Variants in TNRC6A observed in about 807,000 individuals in gnomAD.
TNRC6A encodes the protein trinucleotide repeat containing adaptor 6A.
In TNRC6A, 44 loss-of-function variants were observed where a neutral mutation model predicts 221.2. That is an observed-to-expected ratio of 0.20 (90% CI 0.16 to 0.26). The LOEUF (loss-of-function observed/expected upper bound fraction) is 0.26, where lower values mean the gene tolerates loss of function less well. Ranked by LOEUF, TNRC6A falls within the 10% of genes least tolerant of loss-of-function variation. The probability of loss-of-function intolerance (pLI) is 1.00; values close to 1 mark genes in which losing one functional copy is unlikely to be tolerated. For synonymous variants in TNRC6A, 847 were observed against 838.5 expected (o/e 1.01, Z -0.18); for missense variants, 2,199 against 2,404.4 (o/e 0.91, Z 1.79).
intron 8 of TNRC6A, 75 bp downstream of exon 8, chr16:24,794,794 G>A (rs751423131): frequency 1.6e-5 from 23 of 1,458,088 alleles, no homozygotes; most frequent in East Asian, 4.8e-5. Flanking sequence ...TTAACTTTTC[G>A]CCTGCCCATT....
At chr16:24,714,033 G>T (rs1204492130) in intron 2 of TNRC6A, among the ~76,000 whole-genome samples, 1 of 152,048 alleles carries the variant, frequency 6.6e-6, no homozygotes, top group Non-Finnish European at 1.5e-5. Flanking sequence ...GTCTGTTTGG[G>T]GCTTGCTGAC....
chr16:24,778,144 G>GA (rs1293960320), intron 5 of TNRC6A, among the ~76,000 whole-genome samples: 4 of 152,318 alleles, frequency 2.6e-5, no homozygotes, highest in Non-Finnish European at 5.9e-5. Flanking sequence ...GAAGTCTCTA[G>GA]AATCAGATAG....
intron 2 of TNRC6A, among the ~76,000 whole-genome samples, chr16:24,750,101 C>A (rs1224784441): frequency 6.6e-6 from 1 of 152,168 alleles, no homozygotes; most frequent in Non-Finnish European, 1.5e-5. Context: ...GATCATGCCA[C>A]TGCATTCCAG....
chr16:24,730,133 C>T, intron 1 of TNRC6A, 120 bp from the exon 2 acceptor site: 1 of 921,428 alleles, frequency 1.1e-6, no homozygotes, highest in Non-Finnish European at 1.5e-6. Flanking sequence ...TCCCCCCGTC[C>T]TCTCCCCTCC....
chr16:24,821,367 C>T (rs574375000), intron 22 of TNRC6A, among the ~76,000 whole-genome samples: 12 of 152,302 alleles, frequency 7.9e-5, no homozygotes, highest in African/African-American at 2.2e-4. Context: ...GTAAGCCAAG[C>T]GAACCGAGGG....
chr16:24,822,029 G>T, intron 22 of TNRC6A, 48 bp from the exon 23 acceptor site: 2 of 1,576,376 alleles, frequency 1.3e-6, no homozygotes, highest in Non-Finnish European at 1.7e-6. Context: ...CTGTAGTTGG[G>T]CTCTTTCAGT....
intron 4 of TNRC6A, among the ~76,000 whole-genome samples, chr16:24,765,441 TCTG>T (rs2057452825): frequency 6.6e-6 from 1 of 152,208 alleles, no homozygotes; most frequent in African/African-American, 2.4e-5. Context: ...GTTGGGTAGT[TCTG>T]CTGTTACAGT....
Position 24,806,654 on chromosome 16 carries a change from TCCA to T in TNRC6A, c.4414_4416del (p.Pro1472del). ...CAAACCTGTTGGTGAAGCAGCAGAC[TCCA>T]CCATCTCAGCAGCAGCCACTCCATC... On this transcript the variant is annotated inframe_deletion, in exon 17 of 25. Transcript: ENST00000395799. 1.2e-6 allele frequency: 2 copies of T among 1,614,172 alleles called. No homozygotes were observed. Among genetic ancestry groups the T allele is most frequent in the East Asian group, 2.2e-5 (1 of 44,888 alleles).
chr16:24,648,915 A>G (rs1902463324), intron 2 of TNRC6A, among the ~76,000 whole-genome samples: 1 of 152,172 alleles, frequency 6.6e-6, no homozygotes, highest in Non-Finnish European at 1.5e-5. Context: ...TACCACAGCA[A>G]GTTGCAACTG....
chr16:24,660,414 C>T (rs540301967), intron 2 of TNRC6A, among the ~76,000 whole-genome samples: 2 of 152,112 alleles, frequency 1.3e-5, no homozygotes, highest in East Asian at 1.9e-4. Flanking sequence ...TTAGTTCATT[C>T]CTTTTTATGG....
At chr16:24,617,770 C>T (rs1218700398) in intron 1 of TNRC6A, among the ~76,000 whole-genome samples, 3 of 152,188 alleles carry the variant, frequency 2.0e-5, no homozygotes, top group Non-Finnish European at 2.9e-5. Context: ...TCTTCAGCTA[C>T]GCCTGCTGAG....
intron 2 of TNRC6A, among the ~76,000 whole-genome samples, chr16:24,656,141 CAAAA>C (rs551183501): frequency 8.9e-6 from 1 of 112,650 alleles, no homozygotes; most frequent in African/African-American, 3.4e-5. Context: ...GACCTTGTCT[CAAAA>C]AAAAAAAAAA....
At chr16:24,675,724 A>C (rs1342538560) in intron 2 of TNRC6A, among the ~76,000 whole-genome samples, 52 of 134,310 alleles carry the variant, frequency 3.9e-4, no homozygotes, top group African/African-American at 8.4e-4. Flanking sequence ...ATATATATAT[A>C]TATATATATA....
chr16:24,798,041 G>T, intron 11 of TNRC6A, 75 bp downstream of exon 11: 4 of 1,347,668 alleles, frequency 3.0e-6, no homozygotes, highest in Non-Finnish European at 4.2e-6. Context: ...TACTGAAAGA[G>T]CCCTGACGTA....
At chr16:24,810,760 A>C (rs1461731261) in intron 18 of TNRC6A, among the ~76,000 whole-genome samples, 2 of 152,226 alleles carry the variant, frequency 1.3e-5, no homozygotes, top group East Asian at 3.8e-4. Flanking sequence ...TGTGCCAAGA[A>C]TGATTTTAAA....
intron 2 of TNRC6A, among the ~76,000 whole-genome samples, chr16:24,690,925 A>T (rs895327573): frequency 3.3e-5 from 5 of 150,742 alleles, no homozygotes; most frequent in African/African-American, 1.2e-4. Flanking sequence ...CTCCTGCCTC[A>T]GCCTCCCAAG....
At chr16:24,766,497 TAAAGTAG>T (rs1265204290) in intron 4 of TNRC6A, among the ~76,000 whole-genome samples, 1 of 152,108 alleles carries the variant, frequency 6.6e-6, no homozygotes, top group East Asian at 1.9e-4. Flanking sequence ...TGCTTCCCAT[TAAAGTAG>T]AACCCAGCCC....
At chr16:24,620,676 C>T (rs1306099445) in intron 1 of TNRC6A, among the ~76,000 whole-genome samples, 2 of 152,128 alleles carry the variant, frequency 1.3e-5, no homozygotes, top group South Asian at 2.1e-4. Context: ...GGCGTGTTGG[C>T]GTGCCCCTGT....
intron 2 of TNRC6A, among the ~76,000 whole-genome samples, chr16:24,735,981 A>G (rs1324744527): frequency 6.6e-6 from 1 of 152,188 alleles, no homozygotes; most frequent in Non-Finnish European, 1.5e-5. Flanking sequence ...CCTGACCAAC[A>G]TGGTGAAACC....
Sources: gnomAD v4.1 joint callset for allele counts (sites outside exome capture counted in the v4.1 genomes callset) on GRCh38, gnomAD v4.1.1 for gene constraint, MANE v1.5 for transcripts, NCBI Gene and HGNC (gene_info 2026-07-23, HGNC 2026-07-21) for gene names.